The following ABL1 variants were observed in gnomAD, a reference collection of about 807,000 sequenced individuals.
The protein encoded by ABL1 is ABL proto-oncogene 1, non-receptor tyrosine kinase.
Under a neutral mutation model 94.7 loss-of-function variants are expected in ABL1, and 11 were observed. That is an observed-to-expected ratio of 0.12 (90% CI 0.07 to 0.19). The LOEUF is 0.19. Among genes scored for constraint, ABL1 ranks in the 10% least tolerant of loss-of-function variants. The pLI, the probability that ABL1 is intolerant of heterozygous loss-of-function variation, is 1.00. For synonymous variants in ABL1, 656 were observed against 622.4 expected (o/e 1.05, Z -0.80); for missense variants, 1,082 against 1,489.4 (o/e 0.73, Z 4.50).
intron 8 of ABL1, among the ~76,000 whole-genome samples, chr9:130,879,327 T>C (rs1011889997): frequency 3.3e-5 from 5 of 152,258 alleles, no homozygotes; most frequent in African/African-American, 1.2e-4. Flanking sequence ...CGTCCATATA[T>C]TCAGATCTCT....
At chr9:130,751,384 C>G (rs1003278427) in intron 1 of ABL1, among the ~76,000 whole-genome samples, 1 of 151,902 alleles carries the variant, frequency 6.6e-6, no homozygotes, top group South Asian at 2.1e-4. Flanking sequence ...CTCAGGTGAT[C>G]CACCTGCCTT....
At chr9:130,785,152 A>C (rs901488988) in intron 1 of ABL1, among the ~76,000 whole-genome samples, 2 of 152,162 alleles carry the variant, frequency 1.3e-5, no homozygotes, top group Non-Finnish European at 2.9e-5. Flanking sequence ...TTGTCAACAG[A>C]GTGCTGGAGG....
intron 1 of ABL1, among the ~76,000 whole-genome samples, chr9:130,758,900 G>T (rs1168059658): frequency 3.3e-5 from 5 of 152,130 alleles, no homozygotes; most frequent in Non-Finnish European, 5.9e-5. Flanking sequence ...GGTTTCGCCG[G>T]GATTCAGAAG....
chr9:130,793,578 A>G lies in ABL1; in HGVS notation c.137-60486A>G, dbSNP rs75205440. On this transcript the variant is annotated intron_variant, in intron 1 of 10. Transcript: ENST00000372348. Reference sequence around the variant, plus strand: ...CTAGAGTCTGTGCAAGCTGTGTCGTACATTTTGACTGCAATTTTAGTACTG... The same window carrying G: ...CTAGAGTCTGTGCAAGCTGTGTCGTGCATTTTGACTGCAATTTTAGTACTG... Among the ~76,000 whole-genome samples the G allele has an allele frequency of 3.3e-3, 496 of 152,316 alleles. 4 individuals carry two copies. The highest frequency in any genetic ancestry group is 0.011 in the African/African-American group (464 of 41,558).
intron 1 of ABL1, among the ~76,000 whole-genome samples, chr9:130,850,094 C>A (rs1830832677): frequency 6.6e-6 from 1 of 152,198 alleles, no homozygotes; most frequent in African/African-American, 2.4e-5. Context: ...AGCCACACTA[C>A]CACTGTCTGC....
chr9:130,869,309 C>G (rs1831212161), intron 4 of ABL1, among the ~76,000 whole-genome samples: 1 of 152,238 alleles, frequency 6.6e-6, no homozygotes, highest in African/African-American at 2.4e-5. Context: ...TAGAGATAAA[C>G]TGCCTTAATA....
rs1309614094 is a variant in ABL1, at chr9:130,876,061, C to T, written c.1270+1009C>T. Among the ~76,000 whole-genome samples, 8 of 152,304 alleles carry T rather than the reference C, an allele frequency of 5.3e-5. No individual in the cohort carries two copies. In the East Asian group the frequency reaches 5.8e-4, roughly 11 times the overall value. On this transcript the variant is annotated intron_variant, in intron 7 of 10. Transcript: ENST00000318560. ...CAGGATGGTCTCCAACTCCTGACTT[C>T]GTGATCCACCCACCTCGGCCTCCCA... is the stretch of plus-strand genomic sequence containing the variant.
intron 1 of ABL1, among the ~76,000 whole-genome samples, chr9:130,822,708 C>T (rs1830377918): frequency 6.6e-6 from 1 of 151,898 alleles, no homozygotes; most frequent in African/African-American, 2.4e-5. Context: ...CTTTGGTGAC[C>T]TGTCAATTCA....
intron 1 of ABL1, among the ~76,000 whole-genome samples, chr9:130,766,371 G>T (rs1399200582): frequency 1.3e-5 from 2 of 152,218 alleles, no homozygotes; most frequent in Admixed American, 6.5e-5. Context: ...GGGCCCTGAG[G>T]AAAGAGTGGT....
chr9:130,850,319 G>C (rs1588266948), intron 1 of ABL1, among the ~76,000 whole-genome samples: 1 of 152,168 alleles, frequency 6.6e-6, no homozygotes. Flanking sequence ...TTAGGTGTAA[G>C]ACAACAGTAA....
intron 1 of ABL1, among the ~76,000 whole-genome samples, chr9:130,749,780 GTTA>G (rs1428599463): frequency 6.6e-6 from 1 of 152,134 alleles, no homozygotes; most frequent in East Asian, 1.9e-4. Flanking sequence ...AATGTATGGG[GTTA>G]TTATTTTATG....
At chr9:130,739,437 A>G (rs1831788350) in intron 1 of ABL1, among the ~76,000 whole-genome samples, 1 of 147,278 alleles carries the variant, frequency 6.8e-6, no homozygotes, top group Non-Finnish European at 1.5e-5. Context: ...TTCAGGAAAT[A>G]TAAATGTAAA....
intron 1 of ABL1, among the ~76,000 whole-genome samples, chr9:130,841,050 C>A (rs796254982): frequency 2.0e-5 from 3 of 152,152 alleles, no homozygotes; most frequent in Non-Finnish European, 2.9e-5. Flanking sequence ...CTTGGCTTCC[C>A]TGGGCCACAT....
intron 1 of ABL1, among the ~76,000 whole-genome samples, chr9:130,748,683 C>A (rs1431251750): frequency 6.6e-6 from 1 of 151,902 alleles, no homozygotes; most frequent in Non-Finnish European, 1.5e-5. Context: ...TCAAGCAGTT[C>A]TTCTACCTCA....
rs1051217947 is a variant in ABL1 at position 130,872,239 on chromosome 9, G to A, written c.907+26G>A. 6.2e-7 allele frequency: 1 copy of A among 1,606,266 alleles called. No homozygotes were observed. Among genetic ancestry groups the A allele is most frequent in the South Asian group, 1.1e-5 (1 of 90,696 alleles). ...GTGAGTAAGCCCGGGGCTCTGAAGAGAGGGTCTCGCGCCGCACCCCCAGGG... is the reference window on the plus strand; with the variant it reads ...GTGAGTAAGCCCGGGGCTCTGAAGAAAGGGTCTCGCGCCGCACCCCCAGGG... On this transcript the variant is annotated intron_variant, in intron 5 of 10. Coordinates refer to ENST00000318560, the MANE Select transcript of ABL1 (RefSeq NM_005157.6). This position sits in a 1 kb window ranked among gnomAD's most constrained non-coding sequence, Gnocchi z 5.0.
At chr9:130,836,824 C>CAAAAAA (rs565723193) in intron 1 of ABL1, among the ~76,000 whole-genome samples, 7 of 77,208 alleles carry the variant, frequency 9.1e-5, no homozygotes, top group African/African-American at 2.3e-4. Context: ...GACTCGGTCT[C>CAAAAAA]AAAAAAAAAA....
chr9:130,840,376 T>A (rs946423661), intron 1 of ABL1, among the ~76,000 whole-genome samples: 1 of 152,224 alleles, frequency 6.6e-6, no homozygotes, highest in Non-Finnish European at 1.5e-5. Context: ...ATTTTATTTC[T>A]CCTGTCCAGA....
chr9:130,849,543 G>T (rs1309936174), intron 1 of ABL1, among the ~76,000 whole-genome samples: 1 of 151,518 alleles, frequency 6.6e-6, no homozygotes, highest in Non-Finnish European at 1.5e-5. Flanking sequence ...TTTTTGAGAC[G>T]ATGTCTCACT....
At chr9:130,736,540 GAGTGC>G (rs1283940756) in intron 1 of ABL1, among the ~76,000 whole-genome samples, 1 of 152,162 alleles carries the variant, frequency 6.6e-6, no homozygotes, top group Non-Finnish European at 1.5e-5. Context: ...GTCCAGGCTG[GAGTGC>G]AGTAGTGTGA....
Sources: allele counts gnomAD v4.1 joint callset (sites outside exome capture counted in the v4.1 genomes callset), GRCh38; gene constraint gnomAD v4.1.1; non-coding constraint Gnocchi (gnomAD v3.1); transcripts MANE v1.5; gene names NCBI Gene and HGNC (gene_info 2026-07-23, HGNC 2026-07-21).